GALNT13: variants seen among roughly 807,000 people sequenced by gnomAD.
The protein encoded by GALNT13 is polypeptide N-acetylgalactosaminyltransferase 13.
A neutral mutation model predicts 64.2 loss-of-function variants in GALNT13; 28 were observed. The ratio of observed to expected loss-of-function variants is 0.44; its 90% CI spans 0.32 to 0.60. The LOEUF (loss-of-function observed/expected upper bound fraction) is 0.60, where lower values mean the gene tolerates loss of function less well. GALNT13 is among the 20% of genes least tolerant of loss of function. The probability of loss-of-function intolerance (pLI) is 0.05; values close to 1 mark genes in which losing one functional copy is unlikely to be tolerated. For missense variants in GALNT13, 577 were observed against 669.8 expected (o/e 0.86, Z 1.53); for synonymous variants, 214 against 224.6 (o/e 0.95, Z 0.42).
the GALNT13 span, among the ~76,000 whole-genome samples, chr2:153,148,049 A>G: frequency 6.6e-6 from 1 of 151,832 alleles, no homozygotes; most frequent in Non-Finnish European, 1.5e-5. Context: ...ATAATATTTC[A>G]ACAGTTTTGT....
the GALNT13 span, among the ~76,000 whole-genome samples, chr2:153,624,777 CA>C: frequency 4.8e-5 from 7 of 146,682 alleles, no homozygotes; most frequent in East Asian, 1.4e-3. Context: ...TGCTGGGCAT[CA>C]GGAGGAAGAG....
rs540498883 is a variant in GALNT13 at position 154,107,717 on chromosome 2, G to A, written c.143-32620G>A. 8.6e-5 allele frequency among the ~76,000 whole-genome samples: 13 copies of A among 151,114 alleles called. No individual in the cohort carries two copies. In the South Asian group the frequency reaches 2.3e-3, roughly 27 times the overall value. Reference sequence around the variant, plus strand: ...TTTTTAAAACCCACATATTCCTTCTGTTCATCTGAGATTTTCTACCCTTTG... The same window carrying A: ...TTTTTAAAACCCACATATTCCTTCTATTCATCTGAGATTTTCTACCCTTTG... On this transcript the variant is annotated intron_variant, in intron 3 of 12. Transcript: ENST00000392825.
chr2:153,646,333 C>A, the GALNT13 span, among the ~76,000 whole-genome samples: 1 of 151,736 alleles, frequency 6.6e-6, no homozygotes, highest in South Asian at 2.1e-4. Context: ...ACATCTGTAT[C>A]TGCATTTTTA....
chr2:153,717,422 C>T, the GALNT13 span, among the ~76,000 whole-genome samples: 1 of 152,246 alleles, frequency 6.6e-6, no homozygotes, highest in African/African-American at 2.4e-5. Flanking sequence ...TAAACTCTTG[C>T]AGGATACCAA....
chr2:153,096,310 T>C, the GALNT13 span, among the ~76,000 whole-genome samples: 2 of 152,214 alleles, frequency 1.3e-5, no homozygotes, highest in Admixed American at 1.3e-4. Flanking sequence ...TTGAGAATGA[T>C]CCATGTACTA....
the GALNT13 span, among the ~76,000 whole-genome samples, chr2:153,655,789 A>T: frequency 6.6e-6 from 1 of 152,130 alleles, no homozygotes; most frequent in Admixed American, 6.6e-5. Flanking sequence ...TTATCACTAG[A>T]ATATTTGAGA....
the GALNT13 span, among the ~76,000 whole-genome samples, chr2:153,836,547 G>A: frequency 6.6e-6 from 1 of 150,804 alleles, no homozygotes; most frequent in African/African-American, 2.4e-5. Context: ...TAGGGTACAT[G>A]TGCACAATGT....
chr2:153,737,582 A>T, the GALNT13 span, among the ~76,000 whole-genome samples: 2 of 152,074 alleles, frequency 1.3e-5, no homozygotes, highest in African/African-American at 4.8e-5. Flanking sequence ...TATTTTTAAA[A>T]ACTTAGGAAA....
the GALNT13 span, among the ~76,000 whole-genome samples, chr2:153,661,946 G>T: frequency 6.6e-6 from 1 of 152,148 alleles, no homozygotes; most frequent in Admixed American, 6.5e-5. Context: ...TCTTGGGATA[G>T]AGTCTTTCAA....
At chr2:153,656,136 A>C in the GALNT13 span, among the ~76,000 whole-genome samples, 1 of 152,150 alleles carries the variant, frequency 6.6e-6, no homozygotes, top group Non-Finnish European at 1.5e-5. Context: ...TGCTGTCAAT[A>C]GGCTTGCTAA....
chr2:154,199,114 TTCTTC>T (rs1159898721), intron 4 of GALNT13, among the ~76,000 whole-genome samples: 2 of 151,608 alleles, frequency 1.3e-5, no homozygotes, highest in African/African-American at 4.8e-5. Context: ...TAATGATAAT[TTCTTC>T]TGTTTTTTTT....
At chr2:153,792,071 T>A in the GALNT13 span, among the ~76,000 whole-genome samples, 1 of 152,044 alleles carries the variant, frequency 6.6e-6, no homozygotes, top group African/African-American at 2.4e-5. Context: ...AAATAAAAGT[T>A]AAAACATGGA....
intron 3 of GALNT13, among the ~76,000 whole-genome samples, chr2:154,042,114 C>T (rs1273660317): frequency 7.2e-6 from 1 of 139,746 alleles, no homozygotes; most frequent in Non-Finnish European, 1.6e-5. Context: ...TTTATCAAGT[C>T]ATAGAGATTA....
the GALNT13 span, among the ~76,000 whole-genome samples, chr2:153,380,992 G>A: frequency 6.6e-6 from 1 of 152,008 alleles, no homozygotes; most frequent in Admixed American, 6.6e-5. Context: ...AGGCTGGAGT[G>A]CAGTGGTGCA....
intron 3 of GALNT13, among the ~76,000 whole-genome samples, chr2:153,973,776 A>G (rs1372797909): frequency 1.3e-5 from 2 of 151,898 alleles, no homozygotes; most frequent in African/African-American, 4.8e-5. Context: ...ACGTTCTTTG[A>G]AGATATTTAA....
intron 9 of GALNT13, among the ~76,000 whole-genome samples, chr2:154,332,039 T>G (rs1452840945): frequency 6.6e-6 from 1 of 152,080 alleles, no homozygotes; most frequent in African/African-American, 2.4e-5. Context: ...TTGAATAATT[T>G]ACAGAAAACA....
chr2:153,878,920 T>A (rs982254165), intron 1 of GALNT13, among the ~76,000 whole-genome samples: 1 of 152,202 alleles, frequency 6.6e-6, no homozygotes, highest in Non-Finnish European at 1.5e-5. Flanking sequence ...AGACATTAGT[T>A]TCATTTCTAC....
chr2:153,305,319 C>G, the GALNT13 span, among the ~76,000 whole-genome samples: 2 of 152,114 alleles, frequency 1.3e-5, no homozygotes, highest in Non-Finnish European at 1.5e-5. Context: ...TCTACACAGG[C>G]CTCCTAGGTT....
chr2:154,006,745 C>A (rs896086784), intron 3 of GALNT13, among the ~76,000 whole-genome samples: 2 of 152,056 alleles, frequency 1.3e-5, no homozygotes, highest in Admixed American at 6.6e-5. Flanking sequence ...GCTAAGAAGC[C>A]GGAAGAAGTT....
Sources: gnomAD v4.1 joint callset for allele counts (sites outside exome capture counted in the v4.1 genomes callset) on GRCh38, gnomAD v4.1.1 for gene constraint, MANE v1.5 for transcripts, NCBI Gene and HGNC (gene_info 2026-07-23, HGNC 2026-07-21) for gene names.